EPB41L4A: variants seen among roughly 807,000 people sequenced by gnomAD.
EPB41L4A encodes band 4.1-like protein 4A.
A neutral mutation model predicts 108.6 loss-of-function variants in EPB41L4A; 100 were observed. The observed-to-expected ratio is 0.92, with a 90% confidence interval of 0.78 to 1.09. EPB41L4A has a LOEUF of 1.09. Ranked by LOEUF, EPB41L4A falls within the 50% of genes least tolerant of loss-of-function variation. The pLI, the probability that EPB41L4A is intolerant of heterozygous loss-of-function variation, is 0.00. For missense variants in EPB41L4A, 1,030 were observed against 842.7 expected, an observed-to-expected ratio of 1.22 and a Z score of -2.75; for synonymous variants, 319 against 289.0, an observed-to-expected ratio of 1.10 and a Z score of -1.05.
At chr5:112,234,556 A>C in intron 12 of EPB41L4A, 78 bp downstream of exon 12, 1 of 1,380,174 alleles carries the variant, frequency 7.2e-7, no homozygotes, top group Non-Finnish European at 9.9e-7. Context: ...AGTTATAGAC[A>C]TCACCTGAGT....
chr5:112,238,841 A>G (rs1240974994), intron 11 of EPB41L4A, among the ~76,000 whole-genome samples: 1 of 152,232 alleles, frequency 6.6e-6, no homozygotes, highest in African/African-American at 2.4e-5. Context: ...CATTGAACAG[A>G]ATGAATTGAA....
At chr5:112,395,047 G>C (rs1262540106) in intron 1 of EPB41L4A, among the ~76,000 whole-genome samples, 2 of 152,348 alleles carry the variant, frequency 1.3e-5, no homozygotes, top group East Asian at 3.9e-4. Context: ...GCCATATGTA[G>C]AAAGTTGAAA....
At chr5:112,200,741 T>C (rs1419074963) in intron 15 of EPB41L4A, among the ~76,000 whole-genome samples, 1 of 152,208 alleles carries the variant, frequency 6.6e-6, no homozygotes, top group Non-Finnish European at 1.5e-5. Context: ...GAAAATTATA[T>C]GCAGATGTTT....
chr5:112,325,712 G>A (rs1427889285), intron 1 of EPB41L4A, among the ~76,000 whole-genome samples: 1 of 152,200 alleles, frequency 6.6e-6, no homozygotes, highest in Non-Finnish European at 1.5e-5. Context: ...GGGTGAGTTG[G>A]GGACGTAGGT....
intron 12 of EPB41L4A, among the ~76,000 whole-genome samples, chr5:112,213,112 A>G (rs1379536961): frequency 2.0e-5 from 3 of 152,206 alleles, no homozygotes; most frequent in Non-Finnish European, 4.4e-5. Context: ...AAAGAATTTC[A>G]GGAAAAAAAA....
At chr5:112,199,393 G>C (rs1464652067) in intron 15 of EPB41L4A, among the ~76,000 whole-genome samples, 1 of 152,078 alleles carries the variant, frequency 6.6e-6, no homozygotes, top group Admixed American at 6.6e-5. Context: ...ATTTTTCCAT[G>C]GCCACAATCT....
intron 2 of EPB41L4A, among the ~76,000 whole-genome samples, chr5:112,305,314 T>C (rs1265159983): frequency 6.6e-6 from 1 of 152,116 alleles, no homozygotes; most frequent in East Asian, 1.9e-4. Context: ...GTGGTAATAA[T>C]GGAGAATGAT....
chr5:112,312,373 T>C (rs752723121), intron 1 of EPB41L4A, among the ~76,000 whole-genome samples: 1 of 152,214 alleles, frequency 6.6e-6, no homozygotes, highest in Non-Finnish European at 1.5e-5. Flanking sequence ...TATTATCCTT[T>C]AGCATCTTTT....
At chr5:112,203,646 T>C (rs533526799) in intron 15 of EPB41L4A, among the ~76,000 whole-genome samples, 2 of 152,330 alleles carry the variant, frequency 1.3e-5, no homozygotes, top group South Asian at 4.1e-4. Flanking sequence ...AGGATTCATT[T>C]TTTTCTGTGC....
chr5:112,275,073 GA>G (rs1752531249), intron 4 of EPB41L4A, among the ~76,000 whole-genome samples: 1 of 152,114 alleles, frequency 6.6e-6, no homozygotes, highest in African/African-American at 2.4e-5. Context: ...TAATGATACA[GA>G]AATATTTCAT....
At chr5:112,191,757 A>G (rs965097510) in intron 17 of EPB41L4A, among the ~76,000 whole-genome samples, 1 of 152,146 alleles carries the variant, frequency 6.6e-6, no homozygotes, top group African/African-American at 2.4e-5. Context: ...CAGAAAGTAA[A>G]AGTGACTCTG....
intron 9 of EPB41L4A, among the ~76,000 whole-genome samples, chr5:112,254,604 G>C (rs1268513167): frequency 2.6e-5 from 4 of 152,138 alleles, no homozygotes; most frequent in African/African-American, 4.8e-5. Context: ...GAGTCAGGCT[G>C]AACCAGGCAG....
At chr5:112,311,322 G>A (rs1382282184) in intron 1 of EPB41L4A, among the ~76,000 whole-genome samples, 1 of 152,138 alleles carries the variant, frequency 6.6e-6, no homozygotes, top group Non-Finnish European at 1.5e-5. Context: ...AAAATATCAT[G>A]ATGAATACAA....
At chr5:112,178,484 A>G (rs1390524931) in intron 18 of EPB41L4A, among the ~76,000 whole-genome samples, 2 of 152,150 alleles carry the variant, frequency 1.3e-5, no homozygotes, top group African/African-American at 4.8e-5. Flanking sequence ...GAGACTCCTC[A>G]TTCTTCTTGA....
At chr5:112,401,303 T>C (rs1329393896) in intron 1 of EPB41L4A, among the ~76,000 whole-genome samples, 2 of 152,210 alleles carry the variant, frequency 1.3e-5, no homozygotes, top group Non-Finnish European at 1.5e-5. Flanking sequence ...CTTGGCCATT[T>C]ATCCTAATCA....
chr5:112,147,186 T>G (rs991225356), intron 12 of EPB41L4A, among the ~76,000 whole-genome samples: 1 of 152,202 alleles, frequency 6.6e-6, no homozygotes, highest in African/African-American at 2.4e-5. Flanking sequence ...CATTTAGCAG[T>G]CTATTCAGTA....
rs116118678 is a variant in EPB41L4A at position 112,400,612 on chromosome 5, T to C, written c.99+18329A>G. Among the ~76,000 whole-genome samples, 127 of 152,174 alleles carry C rather than the reference T, an allele frequency of 8.3e-4. 2 individuals carry two copies. The highest frequency in any genetic ancestry group is 2.7e-3 in the African/African-American group (114 of 41,500). ...GGTCTTGCAAGAACTCATTCACTAA[T>C]GCAAAGACAGGACCAAGCCATGAGG... On this transcript the variant is annotated intron_variant, in intron 1 of 22. Transcript: ENST00000261486.
At chr5:112,150,571 C>T (rs1759428251) in intron 12 of EPB41L4A, among the ~76,000 whole-genome samples, 2 of 152,024 alleles carry the variant, frequency 1.3e-5, no homozygotes, top group African/African-American at 4.8e-5. Flanking sequence ...AGAAGACAAA[C>T]ACCAAGTCTC....
At chr5:112,221,783 C>T (rs1748069648) in intron 12 of EPB41L4A, among the ~76,000 whole-genome samples, 1 of 152,174 alleles carries the variant, frequency 6.6e-6, no homozygotes, top group African/African-American at 2.4e-5. Flanking sequence ...GTGATTTTAA[C>T]TTGAATATAT....
Sources: allele counts gnomAD v4.1 joint callset (sites outside exome capture counted in the v4.1 genomes callset), GRCh38; gene constraint gnomAD v4.1.1; transcripts MANE v1.5; gene names NCBI Gene and HGNC (gene_info 2026-07-23, HGNC 2026-07-21).